FMNL2: variants seen among roughly 807,000 people sequenced by gnomAD.
The protein encoded by FMNL2 is formin-like protein 2.
In FMNL2, 51 loss-of-function variants were observed where a neutral mutation model predicts 130.2. That is an observed-to-expected ratio of 0.39 (90% CI 0.31 to 0.49). The LOEUF (loss-of-function observed/expected upper bound fraction) is 0.49. FMNL2 is among the 20% of genes least tolerant of loss of function. The pLI, the probability that FMNL2 is intolerant of heterozygous loss-of-function variation, is 0.85. For synonymous variants in FMNL2, 465 were observed against 467.1 expected (o/e 1.00, Z 0.06); for missense variants, 977 against 1,316.2 (o/e 0.74, Z 3.99).
At position 152,473,396 on chromosome 2, in the gene FMNL2, C is replaced by G. The variant is rs78129891; in HGVS notation, c.118-48547C>G. On this transcript the variant is annotated intron_variant, in intron 1 of 25. Transcript: ENST00000288670. ...TATATGTTTGTTCTGAGTCATGATC[C>G]TAGTGTTGTGGGAGAGACAAACAAA... 8.8e-3 allele frequency among the ~76,000 whole-genome samples: 1,343 copies of G among 152,134 alleles called. 25 individuals carry two copies. Among genetic ancestry groups the G allele is most frequent in the African/African-American group, 0.03 (1,264 of 41,502 alleles).
chr2:152,621,782 ACT>A (rs955720860), intron 15 of FMNL2, among the ~76,000 whole-genome samples: 1 of 151,990 alleles, frequency 6.6e-6, no homozygotes, highest in East Asian at 1.9e-4. Context: ...GTGTTGAGTA[ACT>A]CTCTCTCTCA....
chr2:152,480,701 A>T (rs1197468771), intron 1 of FMNL2, among the ~76,000 whole-genome samples: 1 of 151,940 alleles, frequency 6.6e-6, no homozygotes, highest in Non-Finnish European at 1.5e-5. Context: ...AAACAAAAAA[A>T]ACTTTGGGGA....
chr2:152,473,126 C>T (rs1689949639), intron 1 of FMNL2, among the ~76,000 whole-genome samples: 6 of 152,300 alleles, frequency 3.9e-5, no homozygotes, highest in Admixed American at 3.3e-4. Context: ...AAAAGAAATA[C>T]AGTAATAGAA....
At chr2:152,373,074 T>TA (rs59215465) in intron 1 of FMNL2, among the ~76,000 whole-genome samples, 22,847 of 152,190 alleles carry the variant, frequency 0.15, 1,882 homozygotes, top group African/African-American at 0.19. Flanking sequence ...AACTTGGAAC[T>TA]AATCATTTCA....
At chr2:152,385,750 CT>C (rs1189625282) in intron 1 of FMNL2, among the ~76,000 whole-genome samples, 3 of 152,164 alleles carry the variant, frequency 2.0e-5, no homozygotes, top group African/African-American at 7.2e-5. Flanking sequence ...TAGTCACATG[CT>C]TTGTGGTTTG....
At chr2:152,536,117 C>A (rs903233021) in intron 2 of FMNL2, among the ~76,000 whole-genome samples, 2 of 152,246 alleles carry the variant, frequency 1.3e-5, no homozygotes, top group South Asian at 2.1e-4. Context: ...TTTAGGGATG[C>A]TGATTGGTCT....
At chr2:152,603,596 A>G (rs1167496524) in intron 9 of FMNL2, among the ~76,000 whole-genome samples, 1 of 150,672 alleles carries the variant, frequency 6.6e-6, no homozygotes, top group Middle Eastern at 3.3e-3. Flanking sequence ...CATGAAATCT[A>G]GTGTTGCTTG....
chr2:152,361,178 T>A (rs1683148769), intron 1 of FMNL2, among the ~76,000 whole-genome samples: 1 of 152,194 alleles, frequency 6.6e-6, no homozygotes, highest in Non-Finnish European at 1.5e-5. Context: ...CTTTTTTTTA[T>A]TCTTTGATAA....
At position 152,541,454 on chromosome 2, in the gene FMNL2, G is replaced by A. The variant is rs116542203; in HGVS notation, c.202-1285G>A. The stretch of plus-strand genomic sequence containing the variant: ...TTGTGAGAAATATAGCATCTATATA[G>A]AAAAGGTAGTTAAGCCCGAGAACCA... On this transcript the variant is annotated intron_variant, in intron 2 of 25. Coordinates refer to ENST00000288670, the MANE Select transcript of FMNL2 (RefSeq NM_052905.4). Among the ~76,000 whole-genome samples, 1,281 of 152,198 alleles carry A rather than the reference G, an allele frequency of 8.4e-3. 12 individuals carry two copies. The highest frequency in any genetic ancestry group is 0.017 in the Middle Eastern group (5 of 294).
rs1035097775 is a variant in FMNL2 at position 152,633,251 on chromosome 2, A to G, written c.2680+1114A>G. On this transcript the variant is annotated intron_variant, in intron 21 of 25. Coordinates refer to ENST00000288670, the MANE Select transcript of FMNL2 (RefSeq NM_052905.4). ...GCTGGGACCACAGGCACACACCACTATGCCCAGCTAATTTTTAAAATTTTT... is the reference window on the plus strand; with the variant it reads ...GCTGGGACCACAGGCACACACCACTGTGCCCAGCTAATTTTTAAAATTTTT... 2.0e-5 allele frequency among the ~76,000 whole-genome samples: 3 copies of G among 152,100 alleles called. No individual in the cohort carries two copies. The South Asian group carries it at 6.2e-4, about 32-fold the overall frequency.
intron 1 of FMNL2, among the ~76,000 whole-genome samples, chr2:152,467,576 G>A (rs1305462835): frequency 2.0e-5 from 3 of 152,126 alleles, no homozygotes; most frequent in Non-Finnish European, 2.9e-5. Flanking sequence ...TTTTGATGCC[G>A]TGCACTCGTT....
At chr2:152,541,280 C>T (rs1274471766) in intron 2 of FMNL2, among the ~76,000 whole-genome samples, 1 of 152,114 alleles carries the variant, frequency 6.6e-6, no homozygotes, top group Non-Finnish European at 1.5e-5. Context: ...CCTCAGTCTC[C>T]TGGATAGCTG....
intron 1 of FMNL2, among the ~76,000 whole-genome samples, chr2:152,398,065 CAGTG>C (rs2105951351): frequency 6.6e-6 from 1 of 152,190 alleles, no homozygotes; most frequent in Admixed American, 6.5e-5. Context: ...GGAGGTTTTG[CAGTG>C]AGCCGAGATT....
chr2:152,560,907 T>C lies in FMNL2; in HGVS notation c.468T>C (p.Ser156=). Residue 156 remains serine, a synonymous_variant, in exon 6 of 26, where the codon AGT becomes AGC. Transcript: ENST00000288670. ...GTTTTGACTTTGAAAGTGTGGAGAG[T>C]ACTGTGGAGAGCTCGGTGGACAAAT... ...AVTFDFESVE[S]TVESSVDKSK... 2 of 1,612,778 alleles carry C rather than the reference T, an allele frequency of 1.2e-6. No homozygotes were observed. Among genetic ancestry groups the C allele is most frequent in the Non-Finnish European group, 1.7e-6 (2 of 1,179,426 alleles).
chr2:152,337,609 T>G (rs1431721229), intron 1 of FMNL2, among the ~76,000 whole-genome samples: 1 of 152,156 alleles, frequency 6.6e-6, no homozygotes, highest in Non-Finnish European at 1.5e-5. Context: ...TGTCCCATCA[T>G]TAACATGGTG....
At chr2:152,640,202 A>G (rs1682963605) in intron 24 of FMNL2, 146 bp downstream of exon 24, 1 of 638,810 alleles carries the variant, frequency 1.6e-6, no homozygotes, top group East Asian at 2.9e-5. Context: ...GCAAATGGAA[A>G]TATGCTCATT....
chr2:152,632,893 G>A (rs990667541), intron 21 of FMNL2, among the ~76,000 whole-genome samples: 11 of 152,138 alleles, frequency 7.2e-5, no homozygotes, highest in Non-Finnish European at 1.5e-4. Flanking sequence ...CGAACCATAA[G>A]CAGCCAGTGT....
At chr2:152,412,228 TG>T (rs1341310083) in intron 1 of FMNL2, among the ~76,000 whole-genome samples, 4 of 151,794 alleles carry the variant, frequency 2.6e-5, no homozygotes, top group African/African-American at 9.7e-5. Flanking sequence ...CAGAGCCTGA[TG>T]AAAGTTGCCC....
intron 1 of FMNL2, among the ~76,000 whole-genome samples, chr2:152,360,209 A>G (rs2105812646): frequency 6.6e-6 from 1 of 152,372 alleles, no homozygotes. Context: ...TTGAATAGTA[A>G]GTGAATGAGA....
Sources: gnomAD v4.1 joint callset for allele counts (sites outside exome capture counted in the v4.1 genomes callset) on GRCh38, gnomAD v4.1.1 for gene constraint, MANE v1.5 for transcripts, NCBI Gene and HGNC (gene_info 2026-07-23, HGNC 2026-07-21) for gene names.